The following MKI67 variants were observed in gnomAD, a reference collection of about 807,000 sequenced individuals.
MKI67 encodes marker of proliferation Ki-67.
A neutral mutation model predicts 233.5 loss-of-function variants in MKI67; 152 were observed. The observed-to-expected ratio is 0.65, with a 90% CI of 0.57 to 0.74. The LOEUF (loss-of-function observed/expected upper bound fraction) is 0.74. MKI67 is among the 30% of genes least tolerant of loss of function. MKI67 has a pLI of 0.00. For missense variants in MKI67, 3,940 were observed against 3,885.2 expected, an observed-to-expected ratio of 1.01 and a Z score of -0.37; for synonymous variants, 1,465 against 1,418.5, an observed-to-expected ratio of 1.03 and a Z score of -0.74.
Position 128,104,827 on chromosome 10 carries a change from G to A in MKI67, c.7013C>T (p.Thr2338Ile), listed in dbSNP as rs774869092. The A allele has an allele frequency of 1.2e-6, 2 of 1,613,046 alleles. No individual in the cohort carries two copies. Among genetic ancestry groups the A allele is most frequent in the Non-Finnish European group, 8.5e-7 (1 of 1,179,846 alleles). The change falls in exon 13 of 15, where the codon ACC becomes ATC. Residue 2338 changes from threonine to isoleucine, a missense_variant. By Grantham distance (89) the Thr-to-Ile change is moderately conservative. Transcript: ENST00000368654. The stretch of plus-strand genomic sequence containing the variant: ...TTGTGGAGATTTGCAGGCTATTTTG[G>A]TAGTTTTCTCATCAGTCGTGGGCTT... ...TDKPTTDEKT[T>I]KIACKSPQPD...
At position 128,105,589 on chromosome 10, in the gene MKI67, TG is replaced by T. The variant is rs1852466380; in HGVS notation, c.6250del (p.Gln2084ArgfsTer18). 6.2e-7 allele frequency: 1 copy of T among 1,614,208 alleles called. No individual in the cohort carries two copies. Among genetic ancestry groups the T allele is most frequent in the Non-Finnish European group, 8.5e-7 (1 of 1,180,026 alleles). On this transcript the variant is annotated frameshift_variant, in exon 13 of 15. Transcript: ENST00000368654. LOFTEE classifies it high-confidence loss of function. The part of the protein sequence containing the change: ...EDLAGFKELF[Q>X]TPDHTEESTT... ...TGATTCCTCAGTGTGGTCTGGTGTCTGGAAGAGCTCTTTGAAGCCGGCCAGG... is the reference window on the plus strand; with the variant it reads ...TGATTCCTCAGTGTGGTCTGGTGTCTGAAGAGCTCTTTGAAGCCGGCCAGG...
chr10:128,111,607 A>C (rs1461987620), intron 11 of MKI67, 38 bp downstream of exon 11: 2 of 1,531,676 alleles, frequency 1.3e-6, no homozygotes, highest in Non-Finnish European at 8.9e-7. Flanking sequence ...AAAACAGTAG[A>C]GTCAAAAGAT....
intron 4 of MKI67, among the ~76,000 whole-genome samples, chr10:128,121,150 A>C (rs544718305): frequency 1.3e-5 from 2 of 152,000 alleles, no homozygotes; most frequent in African/African-American, 4.8e-5. Flanking sequence ...GCACCAAGAC[A>C]TCATTCTAAG....
In MKI67 at chr10:128,107,927, C is replaced by T; in HGVS notation, c.3913G>A (p.Glu1305Lys). 1 of 1,613,602 alleles carries T rather than the reference C, an allele frequency of 6.2e-7. No individual in the cohort carries two copies. Among genetic ancestry groups the T allele is most frequent in the Non-Finnish European group, 8.5e-7 (1 of 1,179,948 alleles). ...AMHTPKPSVGEEKDIIIFVGT... is the reference protein window; with the variant it reads ...AMHTPKPSVGKEKDIIIFVGT... ...ACAAATATGATGATGTCTTTCTCTT[C>T]ACCTACTGATGGTTTAGGCGTGTGC... Residue 1305 changes from glutamate (E) to lysine (K), a missense_variant, in exon 13 of 15, where the codon GAA becomes AAA. Glu to Lys is a moderately conservative substitution (Grantham distance 56). Coordinates refer to ENST00000368654, the MANE Select transcript of MKI67 (RefSeq NM_002417.5).
rs1376154385 is a variant in MKI67, at chr10:128,101,306, C to T, written c.9657G>A (p.Val3219=). 6.2e-7 allele frequency: 1 copy of T among 1,614,248 alleles called. No homozygotes were observed. Among genetic ancestry groups the T allele is most frequent in the Non-Finnish European group, 8.5e-7 (1 of 1,180,040 alleles). The change falls in exon 14 of 15, where the codon GTG becomes GTA. Residue 3219 remains valine, a synonymous_variant. Transcript: ENST00000368654. ...PAASTLESKS[V]QRVTRSVKRC... ...TCTTGACACTCCGCGTTACTCTCTG[C>T]ACAGATTTGCTCTCCAAAGTGCTTG...
chr10:128,119,307 T>C lies in MKI67; in HGVS notation c.300A>G (p.Glu100=). The change falls in exon 5 of 15, where the codon GAA becomes GAG. Residue 100 remains glutamate (E), a synonymous_variant. Coordinates refer to ENST00000368654, the MANE Select transcript of MKI67 (RefSeq NM_002417.5). ...IIDRSFRYEN[E]SLQNGRKSTE... is the part of the protein sequence containing the mutation. ...TTGACTTCCTTCCATTCTGAAGACTTTCATTTTCATACCTGCAGTTTATAG... is the reference window on the plus strand; with the variant it reads ...TTGACTTCCTTCCATTCTGAAGACTCTCATTTTCATACCTGCAGTTTATAG... 1 of 1,603,192 alleles carries C rather than the reference T, an allele frequency of 6.2e-7. No individual in the cohort carries two copies.
chr10:128,101,552 A>T lies in MKI67; in HGVS notation c.9411T>A (p.Asp3137Glu), dbSNP rs1187285438. 1.9e-6 allele frequency: 3 copies of T among 1,614,090 alleles called. No homozygotes were observed. The highest frequency in any genetic ancestry group is 1.7e-5 in the Admixed American group (1 of 60,002). ...TSPEMDIQNP[D>E]DGARKPIPRD... The stretch of plus-strand genomic sequence containing the variant: ...TAGGTATGGGTTTCCGGGCTCCATC[A>T]TCTGGATTCTGAATGTCCATCTCTG... The change falls in exon 14 of 15, where the codon GAT (aspartate) becomes GAA (glutamate). Residue 3137 changes from aspartate (D) to glutamate (E), a missense_variant. By Grantham distance (45) the Asp-to-Glu change is conservative (BLOSUM62 2). Coordinates refer to ENST00000368654, the MANE Select transcript of MKI67 (RefSeq NM_002417.5).
At position 128,101,499 on chromosome 10, in the gene MKI67, C is replaced by T. The variant is rs1376895410; in HGVS notation, c.9464G>A (p.Cys3155Tyr). The stretch of plus-strand genomic sequence containing the variant: ...CTCATTCTGTCTAGCAGACCTCAAG[C>T]ACCTTTTGTTCTCAGTGACTTTGTC... ...PRDKVTENKR[C>Y]LRSARQNESS... The change falls in exon 14 of 15, where the codon TGC becomes TAC. Residue 3155 changes from cysteine (C) to tyrosine (Y), a missense_variant. Transcript: ENST00000368654. 8 of 1,614,224 alleles carry T rather than the reference C, an allele frequency of 5.0e-6. No homozygotes were observed. The highest frequency in any genetic ancestry group is 6.8e-6 in the Non-Finnish European group (8 of 1,180,034).
At position 128,103,883 on chromosome 10, in the gene MKI67, T is replaced by C; in HGVS notation, c.7957A>G (p.Lys2653Glu). The C allele has an allele frequency of 6.2e-7, 1 of 1,613,950 alleles. No homozygotes were observed. The highest frequency in any genetic ancestry group is 8.5e-7 in the Non-Finnish European group (1 of 1,180,002). Residue 2653 changes from lysine (K) to glutamate (E), a missense_variant, in exon 13 of 15, where the codon AAA (lysine) becomes GAA (glutamate). By Grantham distance (56) the Lys-to-Glu change is moderately conservative. Transcript: ENST00000368654. ...IKVLKQRAKK[K>E]PNPVEEEPSR... ...GGTTCCTCTTCTACTGGGTTTGGTT[T>C]CTTCTTTGCACGTTGCTTCAATACT...
In MKI67 at chr10:128,113,553, C is replaced by A. The variant is rs1460653675; in HGVS notation, c.1530G>T (p.Gly510=). The change falls in exon 8 of 15, where the codon GGG becomes GGT. Residue 510 remains glycine, a synonymous_variant. Coordinates refer to ENST00000368654, the MANE Select transcript of MKI67 (RefSeq NM_002417.5). ...PLKRRRVSFG[G]HLRPELFDEN... ...CATCAAATAGTTCAGGTCTTAGGTG[C>A]CCACCAAAGGACACACGCCTTCTTT... is the stretch of plus-strand genomic sequence containing the variant. 32 of 1,613,952 alleles carry A rather than the reference C, an allele frequency of 2.0e-5. No homozygotes were observed. The highest frequency in any genetic ancestry group is 2.7e-5 in the Non-Finnish European group (32 of 1,179,944).
chr10:128,108,921 T>C lies in MKI67; in HGVS notation c.2919A>G (p.Thr973=). 6.2e-7 allele frequency: 1 copy of C among 1,614,248 alleles called. No individual in the cohort carries two copies. Among genetic ancestry groups the C allele is most frequent in the Non-Finnish European group, 8.5e-7 (1 of 1,180,048 alleles). Residue 973 remains threonine (T), a synonymous_variant, in exon 13 of 15, where the codon ACA becomes ACG. Coordinates refer to ENST00000368654, the MANE Select transcript of MKI67 (RefSeq NM_002417.5). ...DLTDLKSLPD[T]ELMKDTARGQ... ...CACGTGCCGTGTCTTTCATGAGTTC[T>C]GTATCAGGCAAGCTCTTGAGGTCTG... is the stretch of plus-strand genomic sequence containing the variant.
Position 128,122,894 on chromosome 10 carries a change from C to T in MKI67, c.274G>A (p.Asp92Asn). Reference protein sequence around the residue: ...LKHGDVITIIDRSFRYENESL... With the variant: ...LKHGDVITIINRSFRYENESL... Reference sequence around the variant, plus strand: ...GCTTTTACCTACCTGAAGGAACGATCAATAATAGTTATTACATCTCCATGT... The same window carrying T: ...GCTTTTACCTACCTGAAGGAACGATTAATAATAGTTATTACATCTCCATGT... The change falls in exon 4 of 15, where the codon GAT becomes AAT. Residue 92 changes from aspartate (D) to asparagine (N), a missense_variant. Asp to Asn is a conservative substitution (Grantham distance 23). Transcript: ENST00000368654. The T allele has an allele frequency of 6.4e-7, 1 of 1,562,880 alleles. No individual in the cohort carries two copies. The highest frequency in any genetic ancestry group is 1.2e-5 in the South Asian group (1 of 86,816).
In MKI67 at chr10:128,108,375, A is replaced by G. The variant is rs1299625580; in HGVS notation, c.3465T>C (p.Asp1155=). Residue 1155 remains aspartate (D), a synonymous_variant, in exon 13 of 15, where the codon GAT becomes GAC. Coordinates refer to ENST00000368654, the MANE Select transcript of MKI67 (RefSeq NM_002417.5). ...TGAGTGCTAAGAATTCTTCCTCTAC[A>G]TCTGCTTTCCTGAGACTTCTCTTAG... ...QWPKRSLRKA[D]VEEEFLALRK... 1.9e-6 allele frequency: 3 copies of G among 1,613,652 alleles called. No individual in the cohort carries two copies. Among genetic ancestry groups the G allele is most frequent in the East Asian group, 2.2e-5 (1 of 44,820 alleles).
In MKI67 at chr10:128,106,395, G is replaced by T; in HGVS notation, c.5445C>A (p.Ser1815Arg). 6.2e-7 allele frequency: 1 copy of T among 1,613,774 alleles called. No homozygotes were observed. The change falls in exon 13 of 15, where the codon AGC (serine) becomes AGA (arginine). Residue 1815 changes from serine (S) to arginine (R), a missense_variant. Transcript: ENST00000368654. ...KLDQPGNLPGSNRRLQTRKEK... is the reference protein window; with the variant it reads ...KLDQPGNLPGRNRRLQTRKEK... ...CCTTACGAGTTTGTAGCCGTCTATT[G>T]CTGCCAGGTAAATTTCCTGGCTGGT...
At position 128,109,142 on chromosome 10, in the gene MKI67, T is replaced by C. The variant is rs757957638; in HGVS notation, c.2698A>G (p.Ile900Val). ...ESKSEETNTE[I>V]VECILKRGQK... is the part of the protein sequence containing the mutation. Reference sequence around the variant, plus strand: ...CCTCTTTTTAGGATGCACTCAACAATTTCTGTATTTGTTTCTTCACTCTTA... The same window carrying C: ...CCTCTTTTTAGGATGCACTCAACAACTTCTGTATTTGTTTCTTCACTCTTA... Residue 900 changes from isoleucine (I) to valine (V), a missense_variant, in exon 13 of 15, where the codon ATT becomes GTT. Coordinates refer to ENST00000368654, the MANE Select transcript of MKI67 (RefSeq NM_002417.5). The C allele has an allele frequency of 6.8e-6, 11 of 1,614,110 alleles. No homozygotes were observed. The highest frequency in any genetic ancestry group is 9.3e-6 in the Non-Finnish European group (11 of 1,180,040).
In MKI67 at chr10:128,104,961, T is replaced by G; in HGVS notation, c.6879A>C (p.Pro2293=). 6.2e-7 allele frequency: 1 copy of G among 1,613,904 alleles called. No individual in the cohort carries two copies. The highest frequency in any genetic ancestry group is 8.5e-7 in the Non-Finnish European group (1 of 1,179,976). The part of the protein sequence containing the change: ...MGTPVQKLDL[P]GNLPGSKRWP... The stretch of plus-strand genomic sequence containing the variant: ...ATCTTTTGCTGCCAGGTAAATTTCC[T>G]GGCAGGTCCAATTTCTGCACTGGAG... Residue 2293 remains proline, a synonymous_variant, in exon 13 of 15, where the codon CCA becomes CCC. Transcript: ENST00000368654.
chr10:128,115,555 G>A lies in MKI67; in HGVS notation c.853C>T (p.Gln285Ter), dbSNP rs909599580. Residue 285 changes from glutamine to a stop codon, truncating the protein, a stop_gained, in exon 7 of 15, where the codon CAA becomes TAA. Coordinates refer to ENST00000368654, the MANE Select transcript of MKI67 (RefSeq NM_002417.5). LOFTEE classifies it high-confidence loss of function. The part of the protein sequence containing the change: ...ESADGLQGET[Q>*]LLVSRKSRPK... ...CTTGACTTACGCGAGACCAACAGTTGGGTCTCCCCCTGTAAACCATCAGCA... is the reference window on the plus strand; with the variant it reads ...CTTGACTTACGCGAGACCAACAGTTAGGTCTCCCCCTGTAAACCATCAGCA... The A allele has an allele frequency of 1.4e-5, 22 of 1,614,038 alleles. No homozygotes were observed. In the Admixed American group the frequency reaches 1.5e-4, roughly 11 times the overall value.
At position 128,115,345 on chromosome 10, in the gene MKI67, G is replaced by A; in HGVS notation, c.1063C>T (p.Gln355Ter). ...TTCTTATGTTTTTGTGGAGAATTTT[G>A]TTGCTGTGAATATTGTACAGGGGTC... The part of the protein sequence containing the change: ...MKTPVQYSQQ[Q>*]NSPQKHKNKD... Residue 355 changes from glutamine to a stop codon, truncating the protein, a stop_gained, in exon 7 of 15, where the codon CAA (glutamine) becomes TAA (stop). Transcript: ENST00000368654. LOFTEE classifies it high-confidence loss of function. 3.1e-6 allele frequency: 5 copies of A among 1,614,070 alleles called. No individual in the cohort carries two copies. The highest frequency in any genetic ancestry group is 1.7e-5 in the Admixed American group (1 of 60,002).
At position 128,108,313 on chromosome 10, in the gene MKI67, G is replaced by T. The variant is rs117795868; in HGVS notation, c.3527C>A (p.Thr1176Lys). 2 of 1,614,074 alleles carry T rather than the reference G, an allele frequency of 1.2e-6. No individual in the cohort carries two copies. The highest frequency in any genetic ancestry group is 1.6e-4 in the Middle Eastern group (1 of 6,062). Residue 1176 changes from threonine to lysine, a missense_variant, in exon 13 of 15, where the codon ACG becomes AAG. Coordinates refer to ENST00000368654, the MANE Select transcript of MKI67 (RefSeq NM_002417.5). ...CTCATCACCTCCTGCTGGTTTGGGC[G>T]TAAGCATGGCTTTCCCTGCTGATGG... is the stretch of plus-strand genomic sequence containing the variant. ...LTPSAGKAMLTPKPAGGDEKD... is the reference protein window; with the variant it reads ...LTPSAGKAMLKPKPAGGDEKD...
Sources: allele counts gnomAD v4.1 joint callset (sites outside exome capture counted in the v4.1 genomes callset), GRCh38; gene constraint gnomAD v4.1.1; transcripts MANE v1.5; gene names NCBI Gene and HGNC (gene_info 2026-07-23, HGNC 2026-07-21).